Variants in SLC2A9 observed in about 807,000 individuals in gnomAD.
The protein encoded by SLC2A9 is solute carrier family 2, facilitated glucose transporter member 9.
A neutral mutation model predicts 50.6 loss-of-function variants in SLC2A9; 39 were observed. That is an observed-to-expected ratio of 0.77 (90% confidence interval 0.60 to 1.01). The LOEUF is 1.01. Ranked by LOEUF, SLC2A9 falls within the 50% of genes least tolerant of loss-of-function variation. SLC2A9 has a pLI of 0.00. For missense variants in SLC2A9, 686 were observed against 677.6 expected, an observed-to-expected ratio of 1.01 and a Z score of -0.14; for synonymous variants, 324 against 276.9, an observed-to-expected ratio of 1.17 and a Z score of -1.69.
At chr4:9,782,038 G>A (rs1358369657) in intron 3 of SLC2A9, 6 of 1,467,308 alleles carry the variant, frequency 4.1e-6, no homozygotes, top group African/African-American at 1.4e-5. Context: ...AAATGCTGCC[G>A]CCAGGCAGCA....
intron 1 of SLC2A9, among the ~76,000 whole-genome samples, chr4:10,028,013 T>G (rs922705214): frequency 1.3e-5 from 2 of 152,224 alleles, no homozygotes; most frequent in Non-Finnish European, 2.9e-5. Flanking sequence ...AGCCTGGATC[T>G]GCAGCCTCCC....
chr4:9,799,692 A>ACCCCCCTCCCCC (rs1721083107), intron 3 of SLC2A9, among the ~76,000 whole-genome samples: 1 of 69,810 alleles, frequency 1.4e-5, no homozygotes, highest in Non-Finnish European at 2.7e-5. Context: ...TTCCAATTGT[A>ACCCCCCTCCCCC]CCCCCCCCCC....
chr4:10,014,380 G>C (rs1343011584), intron 2 of SLC2A9, among the ~76,000 whole-genome samples: 2 of 152,220 alleles, frequency 1.3e-5, no homozygotes, highest in Non-Finnish European at 2.9e-5. Flanking sequence ...ATTCTGTGCA[G>C]GCCTGCTCAG....
At chr4:9,915,614 GACA>G in intron 7 of SLC2A9, among the ~76,000 whole-genome samples, 1 of 152,192 alleles carries the variant, frequency 6.6e-6, no homozygotes, top group East Asian at 1.9e-4. Context: ...GAGGAGTCAT[GACA>G]ACTTGTCCAA....
intron 1 of SLC2A9, among the ~76,000 whole-genome samples, chr4:10,020,456 A>G (rs1337897552): frequency 6.6e-6 from 1 of 152,152 alleles, no homozygotes; most frequent in Non-Finnish European, 1.5e-5. Flanking sequence ...TGCTGATCAC[A>G]TGCGGGGGCA....
At chr4:10,018,260 C>T (rs73229818) in intron 2 of SLC2A9, among the ~76,000 whole-genome samples, 26,128 of 152,136 alleles carry the variant, frequency 0.17, 2,438 homozygotes, top group Non-Finnish European at 0.21. Context: ...GTCAACAACA[C>T]CAGGCCGGGC....
At chr4:9,996,042 T>C in intron 3 of SLC2A9, 1 of 153,162 alleles carries the variant, frequency 6.5e-6, no homozygotes, top group Non-Finnish European at 1.5e-5. Context: ...CAATCTGCTC[T>C]GAGAGAAGGA....
At chr4:9,997,048 G>C in intron 2 of SLC2A9, 107 bp from the exon 3 acceptor site, 1 of 1,297,938 alleles carries the variant, frequency 7.7e-7, no homozygotes, top group Non-Finnish European at 1.1e-6. Context: ...TTCATGCATA[G>C]CACTTTGCTA....
chr4:10,039,526 T>G (rs538162758), intron 1 of SLC2A9, among the ~76,000 whole-genome samples: 3 of 152,206 alleles, frequency 2.0e-5, no homozygotes, highest in Non-Finnish European at 4.4e-5. Context: ...ACCTCCCTCC[T>G]GCTTATGCTA....
intron 10 of SLC2A9, among the ~76,000 whole-genome samples, chr4:9,866,360 G>T (rs1732466614): frequency 6.6e-6 from 1 of 152,108 alleles, no homozygotes; most frequent in Non-Finnish European, 1.5e-5. Context: ...ATTTGAAATA[G>T]AATTGAGATG....
At chr4:9,882,634 G>A (rs6449089) in intron 10 of SLC2A9, among the ~76,000 whole-genome samples, 68,110 of 150,398 alleles carry the variant, frequency 0.45, 17,942 homozygotes, top group African/African-American at 0.73. Context: ...GCGTGAACCC[G>A]GGAGGCGGAG....
At chr4:10,025,785 A>T (rs912891244), upstream of SLC2A9, 267 of 930,314 alleles carry the variant, frequency 2.9e-4, 1 homozygote, top group Non-Finnish European at 4.2e-4. Flanking sequence ...GCTGCTGCTC[A>T]CTCTTTTCTC....
chr4:9,974,464 A>G (rs1204238103), intron 5 of SLC2A9, among the ~76,000 whole-genome samples: 6 of 152,174 alleles, frequency 3.9e-5, no homozygotes, highest in African/African-American at 1.4e-4. Context: ...TCTATACACC[A>G]ATAATGTTCA....
chr4:10,028,625 A>G (rs1005737491), intron 1 of SLC2A9, among the ~76,000 whole-genome samples: 1 of 152,200 alleles, frequency 6.6e-6, no homozygotes, highest in African/African-American at 2.4e-5. Context: ...GACTTTTAAT[A>G]TCCTAAGTCA....
At chr4:9,838,874 A>G (rs1727539000) in intron 10 of SLC2A9, among the ~76,000 whole-genome samples, 1 of 152,234 alleles carries the variant, frequency 6.6e-6, no homozygotes, top group Non-Finnish European at 1.5e-5. Context: ...AAATACTTAA[A>G]TGTAAAACCC....
chr4:9,833,268 C>G (rs1176069238), intron 11 of SLC2A9, among the ~76,000 whole-genome samples: 5 of 152,168 alleles, frequency 3.3e-5, no homozygotes, highest in Admixed American at 2.0e-4. Context: ...CCCAGCAGCC[C>G]TTACGTTTCA....
chr4:9,958,005 TAAG>T (rs1370047794), intron 5 of SLC2A9, among the ~76,000 whole-genome samples: 2 of 152,104 alleles, frequency 1.3e-5, no homozygotes, highest in African/African-American at 2.4e-5. Flanking sequence ...TAGGGATAAA[TAAG>T]AAGATTCTAA....
intron 11 of SLC2A9, among the ~76,000 whole-genome samples, chr4:9,832,518 A>G (rs1726342234): frequency 6.6e-6 from 1 of 152,160 alleles, no homozygotes; most frequent in African/African-American, 2.4e-5. Context: ...CACACCTGCA[A>G]TGTTTCCCGA....
chr4:9,797,869 C>T (rs1720777221), downstream of SLC2A9, among the ~76,000 whole-genome samples: 1 of 152,166 alleles, frequency 6.6e-6, no homozygotes, highest in Non-Finnish European at 1.5e-5. Context: ...ATCCTACAAC[C>T]TTGATGTATA....
Sources: gnomAD v4.1 joint callset for allele counts (sites outside exome capture counted in the v4.1 genomes callset) on GRCh38, gnomAD v4.1.1 for gene constraint, MANE v1.5 for transcripts, NCBI Gene and HGNC (gene_info 2026-07-23, HGNC 2026-07-21) for gene names.